NKAIN3: variants seen among roughly 807,000 people sequenced by gnomAD.
The protein encoded by NKAIN3 is sodium/potassium transporting ATPase interacting 3.
NKAIN3 carries 25 observed loss-of-function variants against 30.2 expected under a neutral mutation model. The observed-to-expected ratio is 0.83, with a 90% CI of 0.60 to 1.16. NKAIN3 has a LOEUF of 1.16. Ranked by LOEUF, NKAIN3 falls within the 50% of genes most tolerant of loss-of-function variation. The probability of loss-of-function intolerance (pLI) is 0.00; values close to 1 mark genes in which losing one functional copy is unlikely to be tolerated. For missense variants in NKAIN3, 225 were observed against 254.1 expected (o/e 0.89, Z 0.78); for synonymous variants, 91 against 89.6 (o/e 1.02, Z -0.09).
chr8:62,652,897 G>A (rs1484193510), intron 3 of NKAIN3, among the ~76,000 whole-genome samples: 1 of 152,120 alleles, frequency 6.6e-6, no homozygotes, highest in Non-Finnish European at 1.5e-5. Context: ...ACTCAGGTCT[G>A]ATCCTGAAGC....
chr8:62,696,586 C>G (rs1363826454), intron 3 of NKAIN3, among the ~76,000 whole-genome samples: 1 of 151,926 alleles, frequency 6.6e-6, no homozygotes, highest in African/African-American at 2.4e-5. Flanking sequence ...AAAGGTTACA[C>G]TGTATGATTA....
chr8:62,535,896 A>G (rs989221926), intron 1 of NKAIN3, among the ~76,000 whole-genome samples: 2 of 152,134 alleles, frequency 1.3e-5, no homozygotes, highest in Admixed American at 6.6e-5. Flanking sequence ...TGGGCAGGTA[A>G]AAGGAGGGCC....
At chr8:62,887,698 T>C (rs961809704) in intron 4 of NKAIN3, among the ~76,000 whole-genome samples, 1 of 152,216 alleles carries the variant, frequency 6.6e-6, no homozygotes, top group African/African-American at 2.4e-5. Context: ...TTATTTCTTA[T>C]ACAATGTTTT....
intron 4 of NKAIN3, among the ~76,000 whole-genome samples, chr8:62,887,416 A>C (rs539790889): frequency 5.9e-5 from 9 of 152,158 alleles, no homozygotes; most frequent in Admixed American, 2.0e-4. Context: ...ATATTAATTT[A>C]AGAAACTCTT....
intron 2 of NKAIN3, among the ~76,000 whole-genome samples, chr8:62,581,329 C>CTCATTACA (rs1227902456): frequency 6.6e-6 from 1 of 152,142 alleles, no homozygotes; most frequent in East Asian, 1.9e-4. Context: ...AGCAGTTTTA[C>CTCATTACA]TCATTACAGA....
chr8:62,279,197 T>C (rs889196411), intron 1 of NKAIN3, among the ~76,000 whole-genome samples: 23 of 152,384 alleles, frequency 1.5e-4, no homozygotes, highest in Admixed American at 1.5e-3. Context: ...TGTCTGTTCA[T>C]ATCCTTCACC....
rs773826274 is a variant in NKAIN3 at position 62,982,449 on chromosome 8, A to G, written c.*17042A>G. The G allele has an allele frequency of 7.2e-5, 11 of 152,188 alleles. No individual in the cohort carries two copies. Among genetic ancestry groups the G allele is most frequent in the Non-Finnish European group, 1.3e-4 (9 of 68,030 alleles). 9.4% of individuals were successfully genotyped at this position (152,188 alleles called of 1,614,324 possible). ...CGCAGTCATTATGGTCTTGTTAAAT[A>G]ATTAGATTTGTGTAAACTATATTTT... On this transcript the variant is annotated 3_prime_UTR_variant, in exon 7 of 7. Coordinates refer to ENST00000623646, the MANE Select transcript of NKAIN3 (RefSeq NM_001304533.3).
chr8:62,527,882 G>GT (rs368290547), intron 1 of NKAIN3, among the ~76,000 whole-genome samples: 7 of 143,690 alleles, frequency 4.9e-5, no homozygotes, highest in African/African-American at 7.8e-5. Context: ...ACTTTTTTTT[G>GT]GTGTGTGTGT....
chr8:62,474,565 T>C (rs980042798), intron 1 of NKAIN3, among the ~76,000 whole-genome samples: 14 of 152,280 alleles, frequency 9.2e-5, no homozygotes, highest in Admixed American at 6.5e-4. Flanking sequence ...GGAATAATAA[T>C]AAATTTAAGA....
At chr8:62,883,294 T>C (rs1348988994) in intron 4 of NKAIN3, among the ~76,000 whole-genome samples, 2 of 152,104 alleles carry the variant, frequency 1.3e-5, no homozygotes, top group East Asian at 3.9e-4. Flanking sequence ...GATTTATACC[T>C]AAGTATTTCA....
intron 3 of NKAIN3, among the ~76,000 whole-genome samples, chr8:62,633,332 T>A (rs933417526): frequency 1.3e-5 from 2 of 152,308 alleles, no homozygotes; most frequent in Middle Eastern, 3.4e-3. Flanking sequence ...TAACCCTGTC[T>A]GTCACTAACA....
At position 62,942,367 on chromosome 8, in the gene NKAIN3, C is replaced by T. The variant is rs142964040; in HGVS notation, c.533-11535C>T. 5.3e-3 allele frequency among the ~76,000 whole-genome samples: 800 copies of T among 150,480 alleles called. 10 individuals carry two copies. Among genetic ancestry groups the T allele is most frequent in the African/African-American group, 0.019 (776 of 41,084 alleles). On this transcript the variant is annotated intron_variant, in intron 5 of 6. Coordinates refer to ENST00000623646, the MANE Select transcript of NKAIN3 (RefSeq NM_001304533.3). The stretch of plus-strand genomic sequence containing the variant: ...CTACAAGGAAAACTGCAAAACATTG[C>T]TGAAAGAAATTATAGATGGCACAGA...
chr8:62,918,365 A>G, intron 4 of NKAIN3, 88 bp from the exon 5 acceptor site: 1 of 935,236 alleles, frequency 1.1e-6, no homozygotes, highest in Non-Finnish European at 1.7e-6. Context: ...GTTGCTCATA[A>G]ATATTTATCT....
intron 3 of NKAIN3, among the ~76,000 whole-genome samples, chr8:62,671,274 T>C (rs2127579): frequency 0.37 from 55,474 of 151,866 alleles, 11,661 homozygotes; most frequent in East Asian, 0.65. Context: ...TTGAAAAAAC[T>C]TGTTTATAGC....
intron 1 of NKAIN3, among the ~76,000 whole-genome samples, chr8:62,322,057 G>A (rs546957822): frequency 9.9e-5 from 15 of 152,254 alleles, no homozygotes; most frequent in South Asian, 8.3e-4. Context: ...CCTCGCTGCC[G>A]CCTTGCAGTT....
chr8:62,619,773 T>A (rs1316251852), intron 3 of NKAIN3, among the ~76,000 whole-genome samples: 1 of 151,856 alleles, frequency 6.6e-6, no homozygotes. Context: ...TGAACGAACA[T>A]GCCTTTGGCT....
intron 1 of NKAIN3, among the ~76,000 whole-genome samples, chr8:62,499,283 C>A (rs1043423850): frequency 2.7e-4 from 41 of 151,952 alleles, no homozygotes; most frequent in Non-Finnish European, 1.8e-4. Context: ...CTTTTTGCTG[C>A]CTTTCTAGGA....
At chr8:62,827,798 A>T (rs1819072009) in intron 4 of NKAIN3, among the ~76,000 whole-genome samples, 1 of 152,216 alleles carries the variant, frequency 6.6e-6, no homozygotes, top group African/African-American at 2.4e-5. Flanking sequence ...AATTAACATT[A>T]AGAAACATTA....
chr8:62,749,679 C>CTTTT (rs35908903), intron 4 of NKAIN3, among the ~76,000 whole-genome samples: 78 of 97,238 alleles, frequency 8.0e-4, no homozygotes, highest in African/African-American at 1.3e-3. Flanking sequence ...TTTTTCTTTT[C>CTTTT]TTTTTTTTTT....
Sources: gnomAD v4.1 joint callset for allele counts (sites outside exome capture counted in the v4.1 genomes callset) on GRCh38, gnomAD v4.1.1 for gene constraint, MANE v1.5 for transcripts, NCBI Gene and HGNC (gene_info 2026-07-23, HGNC 2026-07-21) for gene names.